The following P2RX7 variants were observed in gnomAD, a reference collection of about 807,000 sequenced individuals.
The protein encoded by P2RX7 is purinergic receptor P2X 7.
A neutral mutation model predicts 71.6 loss-of-function variants in P2RX7; 62 were observed. The ratio of observed to expected loss-of-function variants is 0.87; its 90% CI spans 0.71 to 1.07. The LOEUF (loss-of-function observed/expected upper bound fraction) is 1.07. Ranked by LOEUF, P2RX7 falls within the 50% of genes least tolerant of loss-of-function variation. The pLI is 0.00. For synonymous variants in P2RX7, 299 were observed against 283.3 expected, an observed-to-expected ratio of 1.06 and a Z score of -0.56; for missense variants, 686 against 748.5, an observed-to-expected ratio of 0.92 and a Z score of 0.97.
chr12:121,177,028 G>A, intron 9 of P2RX7, 119 bp from the exon 10 acceptor site: 1 of 792,794 alleles, frequency 1.3e-6, no homozygotes, highest in East Asian at 2.6e-5. Context: ...GCACTTGAAC[G>A]CATCTATCCA....
chr12:121,136,140 T>TTA (rs767177573), intron 1 of P2RX7, among the ~76,000 whole-genome samples: 5 of 146,282 alleles, frequency 3.4e-5, no homozygotes, highest in Non-Finnish European at 6.0e-5. Context: ...TTTTATATAT[T>TTA]TATATATATG....
rs768753626 is a variant in P2RX7 at position 121,164,534 on chromosome 12, A to G, written c.534-823A>G. On this transcript the variant is annotated intron_variant, in intron 5 of 12. Transcript: ENST00000328963. ...GGTGGCTCACGCCTGTAATCCCAAC[A>G]CTTTGGCAGGCTGAGGCAGGCGGAT... Among the ~76,000 whole-genome samples, 7 of 152,016 alleles carry G rather than the reference A, an allele frequency of 4.6e-5. 1 individual carries two copies. The highest frequency in any genetic ancestry group is 1.0e-4 in the Non-Finnish European group (7 of 67,992).
At chr12:121,141,846 G>A (rs540859824) in intron 1 of P2RX7, among the ~76,000 whole-genome samples, 1 of 152,238 alleles carries the variant, frequency 6.6e-6, no homozygotes, top group African/African-American at 2.4e-5. Flanking sequence ...GGAACACTCT[G>A]TGTTATGCGT....
Position 121,185,063 on chromosome 12 carries a change from A to G in P2RX7, c.*261A>G. ...TTGTGCCACTGCTCTCCAGCCTGGG[A>G]GGCACAGCAAACTGTCCCCCAAAAA... On this transcript the variant is annotated 3_prime_UTR_variant, in exon 13 of 13. Coordinates refer to ENST00000328963, the MANE Select transcript of P2RX7 (RefSeq NM_002562.6). The G allele has an allele frequency of 6.1e-6, 2 of 328,204 alleles. No homozygotes were observed. Among genetic ancestry groups the G allele is most frequent in the Non-Finnish European group, 5.6e-6 (1 of 179,100 alleles). 20.3% of individuals were successfully genotyped at this position (328,204 alleles called of 1,614,324 possible).
At chr12:121,134,046 C>T (rs1179865541) in intron 1 of P2RX7, among the ~76,000 whole-genome samples, 1 of 152,180 alleles carries the variant, frequency 6.6e-6, no homozygotes, top group Non-Finnish European at 1.5e-5. Flanking sequence ...CTTTTTACGG[C>T]TGAGTAGTAC....
Position 121,154,922 on chromosome 12 carries a change from T to G in P2RX7, c.263T>G (p.Phe88Cys). Reference protein sequence around the residue: ...NGVKKLVHSVFDTADYTFPLQ... With the variant: ...NGVKKLVHSVCDTADYTFPLQ... ...GTGAAGAAGTTGGTGCACAGTGTCT[T>G]TGACACCGCAGACTACACCTTCCCT... Residue 88 changes from phenylalanine (F) to cysteine (C), a missense_variant, in exon 2 of 13, where the codon TTT becomes TGT. Coordinates refer to ENST00000328963, the MANE Select transcript of P2RX7 (RefSeq NM_002562.6). This position sits in a 1 kb window ranked among gnomAD's most constrained non-coding sequence, Gnocchi z 4.2. 6.2e-7 allele frequency: 1 copy of G among 1,613,534 alleles called. No homozygotes were observed. Among genetic ancestry groups the G allele is most frequent in the Middle Eastern group, 1.6e-4 (1 of 6,062 alleles).
chr12:121,168,414 A>G (rs561086079), intron 8 of P2RX7, among the ~76,000 whole-genome samples: 4 of 151,982 alleles, frequency 2.6e-5, no homozygotes, highest in Admixed American at 2.0e-4. Context: ...GACCACAGGC[A>G]TGTGCCACCA....
intron 7 of P2RX7, among the ~76,000 whole-genome samples, chr12:121,166,917 T>C (rs927985501): frequency 6.6e-6 from 1 of 151,042 alleles, no homozygotes; most frequent in Non-Finnish European, 1.5e-5. Flanking sequence ...CCGGGCATGA[T>C]TGCAGGCTCC....
intron 1 of P2RX7, among the ~76,000 whole-genome samples, chr12:121,152,779 A>G (rs1238429705): frequency 6.6e-6 from 1 of 152,212 alleles, no homozygotes; most frequent in Non-Finnish European, 1.5e-5. Context: ...TGGCATCCCA[A>G]AGTTCTGGGA....
intron 2 of P2RX7, chr12:121,155,349 A>C (rs1878362057): frequency 7.7e-7 from 1 of 1,296,940 alleles, no homozygotes; most frequent in African/African-American, 1.5e-5. Flanking sequence ...TCATCAACAA[A>C]AATGACTCCA....
rs1884776613 is a variant in P2RX7 at position 121,185,327 on chromosome 12, A to G, written c.*525A>G. 1 of 153,956 alleles carries G rather than the reference A, an allele frequency of 6.5e-6. No individual in the cohort carries two copies. The highest frequency in any genetic ancestry group is 1.4e-5 in the Non-Finnish European group (1 of 69,244). The allele number at this position is 153,956 out of a possible 1,614,324, so 9.5% of individuals were successfully genotyped here. On this transcript the variant is annotated 3_prime_UTR_variant, in exon 13 of 13. Transcript: ENST00000328963. Reference sequence around the variant, plus strand: ...AGATGTAAGTCTCAACTCTGTCCCCAGGAAGTTGTGTGACCCTAGGCCTCT... The same window carrying G: ...AGATGTAAGTCTCAACTCTGTCCCCGGGAAGTTGTGTGACCCTAGGCCTCT...
At chr12:121,161,009 T>C (rs1167953256) in intron 4 of P2RX7, 35 bp downstream of exon 4, 1 of 1,504,960 alleles carries the variant, frequency 6.6e-7, no homozygotes, top group Non-Finnish European at 9.2e-7. Context: ...ACCCTAGGGG[T>C]GGATGGTCTG....
At chr12:121,171,725 GCAT>G (rs1307347048) in intron 8 of P2RX7, among the ~76,000 whole-genome samples, 1 of 151,964 alleles carries the variant, frequency 6.6e-6, no homozygotes, top group African/African-American at 2.4e-5. Flanking sequence ...CTGACTACCT[GCAT>G]CAGAATAATC....
At chr12:121,157,438 A>C (rs1342681547) in intron 3 of P2RX7, among the ~76,000 whole-genome samples, 1 of 152,116 alleles carries the variant, frequency 6.6e-6, no homozygotes. Context: ...AGCTTTCTAC[A>C]TTTGTTTTGT....
intron 1 of P2RX7, among the ~76,000 whole-genome samples, chr12:121,141,721 C>T (rs776728088): frequency 8.5e-5 from 13 of 152,094 alleles, no homozygotes; most frequent in Non-Finnish European, 1.3e-4. Context: ...TAGCATGTGC[C>T]GGGTTCTGTT....
chr12:121,172,627 T>C (rs1882421198), intron 8 of P2RX7, among the ~76,000 whole-genome samples: 2 of 151,842 alleles, frequency 1.3e-5, no homozygotes. Flanking sequence ...CCAGATCCTG[T>C]CTCAAAAAAA....
intron 3 of P2RX7, among the ~76,000 whole-genome samples, chr12:121,160,213 T>G (rs1467831994): frequency 6.6e-6 from 1 of 151,986 alleles, no homozygotes; most frequent in African/African-American, 2.4e-5. Flanking sequence ...AGTGACGCAA[T>G]CTCAGCTCAC....
intron 5 of P2RX7, 33 bp downstream of exon 5, chr12:121,162,553 C>T: frequency 6.2e-7 from 1 of 1,606,690 alleles, no homozygotes; most frequent in African/African-American, 1.3e-5. Context: ...CACAGTGGCC[C>T]TCAGCGGCGA....
intron 1 of P2RX7, among the ~76,000 whole-genome samples, chr12:121,139,520 G>A (rs1874381329): frequency 6.6e-6 from 1 of 152,140 alleles, no homozygotes; most frequent in Non-Finnish European, 1.5e-5. Context: ...GCTGGCTGTC[G>A]CTGTGGAGAT....
Sources: allele counts gnomAD v4.1 joint callset (sites outside exome capture counted in the v4.1 genomes callset), GRCh38; gene constraint gnomAD v4.1.1; non-coding constraint Gnocchi (gnomAD v3.1); transcripts MANE v1.5; gene names NCBI Gene and HGNC (gene_info 2026-07-23, HGNC 2026-07-21).